Variants in LOC728392 observed in about 807,000 individuals in gnomAD.
the LOC728392 span, chr17:5,499,858 C>A: frequency 9.1e-6 from 9 of 985,894 alleles, no homozygotes; most frequent in Non-Finnish European, 1.1e-5. Flanking sequence ...GCCACAGGTC[C>A]CGCGAGTCCC....
chr17:5,500,882 C>G, the LOC728392 span: 1 of 1,253,838 alleles, frequency 8.0e-7, no homozygotes, highest in South Asian at 1.3e-5. This position sits in a 1 kb window ranked among gnomAD's most constrained non-coding sequence, Gnocchi z 5.4. Context: ...GCTTGTCAAA[C>G]AGGCCTTCGG....
the LOC728392 span, chr17:5,500,181 C>G: frequency 3.0e-6 from 3 of 986,836 alleles, no homozygotes; most frequent in Non-Finnish European, 3.6e-6. This position sits in a 1 kb window ranked among gnomAD's most constrained non-coding sequence, Gnocchi z 5.4. Flanking sequence ...CCCTGCCGGA[C>G]CCTCTCTAGA....
chr17:5,500,502 G>C, the LOC728392 span: 1 of 1,167,540 alleles, frequency 8.6e-7, no homozygotes, highest in Non-Finnish European at 1.1e-6. This position sits in a 1 kb window ranked among gnomAD's most constrained non-coding sequence, Gnocchi z 5.4. Flanking sequence ...TACATGAAGG[G>C]GGTGCAGCGC....
the LOC728392 span, chr17:5,500,834 C>T: frequency 3.5e-5 from 42 of 1,206,798 alleles, 1 homozygote; most frequent in Non-Finnish European, 4.3e-5. The surrounding 1 kb of genome is among the most constrained non-coding windows in gnomAD (Gnocchi z 5.4). Flanking sequence ...CCGACGCCGA[C>T]CTGGGCCCGC....
the LOC728392 span, chr17:5,500,722 C>T: frequency 1.6e-6 from 2 of 1,245,694 alleles, no homozygotes; most frequent in Non-Finnish European, 2.1e-6. The surrounding 1 kb of genome is among the most constrained non-coding windows in gnomAD (Gnocchi z 5.4). Context: ...AGTGGAGGCG[C>T]CTCCTTCTTG....
the LOC728392 span, chr17:5,500,226 G>T: frequency 7.2e-3 from 7,146 of 991,556 alleles, 34 homozygotes; most frequent in Non-Finnish European, 7.9e-3. The surrounding 1 kb of genome is among the most constrained non-coding windows in gnomAD (Gnocchi z 5.4). Context: ...ATCCCTTAAA[G>T]ATTCCAAGAT....
the LOC728392 span, chr17:5,499,992 C>A: frequency 1.0e-6 from 1 of 985,982 alleles, no homozygotes. Flanking sequence ...GCCGGAGCCC[C>A]TGGGGGCGCA....
chr17:5,499,942 C>T, the LOC728392 span: 2 of 985,864 alleles, frequency 2.0e-6, no homozygotes, highest in East Asian at 1.1e-4. Context: ...CGGGCAGCGA[C>T]AACAAAGTCT....
the LOC728392 span, chr17:5,500,971 G>A: frequency 8.1e-7 from 1 of 1,239,922 alleles, no homozygotes; most frequent in South Asian, 1.3e-5. This position sits in a 1 kb window ranked among gnomAD's most constrained non-coding sequence, Gnocchi z 5.4. Context: ...AGGATCGCGG[G>A]TAGGTGGGTC....
the LOC728392 span, chr17:5,499,697 T>C: frequency 1.1e-6 from 1 of 896,248 alleles, no homozygotes; most frequent in African/African-American, 1.8e-5. Flanking sequence ...CCTTTTGTCT[T>C]GGGTCTCACA....
At chr17:5,500,956 T>C in the LOC728392 span, 28 of 1,246,598 alleles carry the variant, frequency 2.2e-5, no homozygotes, top group East Asian at 8.7e-5. This position sits in a 1 kb window ranked among gnomAD's most constrained non-coding sequence, Gnocchi z 5.4. Context: ...CCGTCAGCCA[T>C]GGGCAGGATC....
the LOC728392 span, chr17:5,500,708 G>C: frequency 8.0e-7 from 1 of 1,254,332 alleles, no homozygotes; most frequent in South Asian, 1.3e-5. The surrounding 1 kb of genome is among the most constrained non-coding windows in gnomAD (Gnocchi z 5.4). Context: ...AGCAGCCCTC[G>C]TCCAGTGGAG....
chr17:5,500,933 G>A, the LOC728392 span: 1 of 1,257,120 alleles, frequency 8.0e-7, no homozygotes, highest in Non-Finnish European at 1.0e-6. The surrounding 1 kb of genome is among the most constrained non-coding windows in gnomAD (Gnocchi z 5.4). Context: ...CCCAGGGTCT[G>A]CGCCGAAAGA....
the LOC728392 span, chr17:5,499,693 G>T: frequency 1.1e-6 from 1 of 872,306 alleles, no homozygotes; most frequent in Non-Finnish European, 1.4e-6. Context: ...AGCCCCTTTT[G>T]TCTTGGGTCT....
At chr17:5,500,621 G>A in the LOC728392 span, 2 of 1,266,972 alleles carry the variant, frequency 1.6e-6, no homozygotes, top group Non-Finnish European at 2.1e-6. The surrounding 1 kb of genome is among the most constrained non-coding windows in gnomAD (Gnocchi z 5.4). Flanking sequence ...AATGGATATA[G>A]GTAAAGATGC....
chr17:5,500,735 C>CG, the LOC728392 span: 12 of 1,238,796 alleles, frequency 9.7e-6, no homozygotes, highest in Admixed American at 6.4e-5. The surrounding 1 kb of genome is among the most constrained non-coding windows in gnomAD (Gnocchi z 5.4). Context: ...CCTTCTTGGG[C>CG]GGGGGGCGCG....
At chr17:5,500,744 C>A in the LOC728392 span, 1 of 1,236,384 alleles carries the variant, frequency 8.1e-7, no homozygotes, top group Non-Finnish European at 1.0e-6. This position sits in a 1 kb window ranked among gnomAD's most constrained non-coding sequence, Gnocchi z 5.4. Flanking sequence ...GCGGGGGGCG[C>A]GATGCGGCCT....
At chr17:5,499,778 G>T in the LOC728392 span, 7 of 985,730 alleles carry the variant, frequency 7.1e-6, no homozygotes, top group East Asian at 2.3e-4. Context: ...CGTGGACCCC[G>T]GCTAGGGCCC....
chr17:5,500,736 G>A, the LOC728392 span: 34 of 1,238,272 alleles, frequency 2.7e-5, no homozygotes, highest in African/African-American at 3.1e-4. The surrounding 1 kb of genome is among the most constrained non-coding windows in gnomAD (Gnocchi z 5.4). Flanking sequence ...CTTCTTGGGC[G>A]GGGGGCGCGA....
Sources: gnomAD v4.1 joint callset for allele counts on GRCh38, gnomAD v4.1.1 for gene constraint, Gnocchi (gnomAD v3.1) non-coding constraint, MANE v1.5 for transcripts.